CWC27: variants seen among roughly 807,000 people sequenced by gnomAD.
CWC27 encodes the protein spliceosome-associated protein CWC27 homolog.
A neutral mutation model predicts 63.6 loss-of-function variants in CWC27; 47 were observed. That is an observed-to-expected ratio of 0.74 (90% confidence interval 0.58 to 0.94). The LOEUF is 0.94. CWC27 is among the 40% of genes least tolerant of loss of function. CWC27 has a pLI of 0.00. For synonymous variants in CWC27, 175 were observed against 179.8 expected (o/e 0.97, Z 0.22); for missense variants, 495 against 554.3 (o/e 0.89, Z 1.07).
intron 5 of CWC27, among the ~76,000 whole-genome samples, chr5:64,786,019 G>T (rs1320214684): frequency 6.6e-6 from 1 of 151,894 alleles, no homozygotes; most frequent in Non-Finnish European, 1.5e-5. Context: ...AAAAAAAATA[G>T]CTGGGCATGG....
At position 65,018,334 on chromosome 5, in the gene CWC27, G is replaced by T; in HGVS notation, c.*13G>T. On this transcript the variant is annotated 3_prime_UTR_variant, in exon 14 of 14. Transcript: ENST00000381070. Reference sequence around the variant, plus strand: ...AGAAAGAAGATAAAATGAGAATAATGATAACCAGAACTTGCTGGAAATGTG... The same window carrying T: ...AGAAAGAAGATAAAATGAGAATAATTATAACCAGAACTTGCTGGAAATGTG... 1 of 1,581,444 alleles carries T rather than the reference G, an allele frequency of 6.3e-7. No homozygotes were observed. Among genetic ancestry groups the T allele is most frequent in the South Asian group, 1.2e-5 (1 of 84,064 alleles).
chr5:64,969,660 A>C (rs937453906), intron 11 of CWC27, among the ~76,000 whole-genome samples: 4 of 152,174 alleles, frequency 2.6e-5, no homozygotes, highest in African/African-American at 9.7e-5. Context: ...GAAATGAAAT[A>C]AGAAAAAAAA....
At chr5:64,800,439 A>G in intron 8 of CWC27, 112 bp downstream of exon 8, 1 of 613,668 alleles carries the variant, frequency 1.6e-6, no homozygotes, top group Non-Finnish European at 2.7e-6. Flanking sequence ...TTTTTAAGCC[A>G]GCCAAAAAAA....
At chr5:64,914,663 C>T (rs1467852828) in intron 11 of CWC27, among the ~76,000 whole-genome samples, 1 of 151,686 alleles carries the variant, frequency 6.6e-6, no homozygotes, top group East Asian at 1.9e-4. Context: ...CCTCTGGTGT[C>T]GGGAGTGTAA....
intron 11 of CWC27, among the ~76,000 whole-genome samples, chr5:64,932,082 C>A (rs952530623): frequency 6.6e-6 from 1 of 152,020 alleles, no homozygotes; most frequent in Non-Finnish European, 1.5e-5. Flanking sequence ...ACTAACTCTC[C>A]TAAGTGATTT....
intron 10 of CWC27, among the ~76,000 whole-genome samples, chr5:64,855,270 A>T (rs1746223164): frequency 6.6e-6 from 1 of 152,148 alleles, no homozygotes; most frequent in South Asian, 2.1e-4. Flanking sequence ...TATTCAGAAG[A>T]GTGTTTTCAG....
intron 11 of CWC27, among the ~76,000 whole-genome samples, chr5:64,892,477 C>T (rs184074398): frequency 1.4e-4 from 22 of 152,212 alleles, no homozygotes; most frequent in Middle Eastern, 3.4e-3. Context: ...CATAATACTT[C>T]GCCAAAGATA....
chr5:64,789,953 C>G (rs1253368537), intron 7 of CWC27, among the ~76,000 whole-genome samples: 2 of 152,146 alleles, frequency 1.3e-5, no homozygotes, highest in East Asian at 1.9e-4. Flanking sequence ...TATTATTATT[C>G]TTGTTTTTAC....
chr5:64,973,902 T>TA lies in CWC27; in HGVS notation c.1152+2096dup, dbSNP rs201550781. ...TTGTTTTCATTTTTCTTTGTGCTTT[T>TA]AAAAAAGACATTTCCAAGTATGCAA... On this transcript the variant is annotated intron_variant, in intron 12 of 13. Transcript: ENST00000381070. Among the ~76,000 whole-genome samples, 969 of 152,176 alleles carry TA rather than the reference T, an allele frequency of 6.4e-3. 14 individuals are homozygous for TA. The highest frequency in any genetic ancestry group is 0.022 in the African/African-American group (927 of 41,494).
At chr5:64,894,529 T>C (rs1370907137) in intron 11 of CWC27, among the ~76,000 whole-genome samples, 2 of 152,182 alleles carry the variant, frequency 1.3e-5, no homozygotes, top group East Asian at 3.8e-4. Context: ...TTTTTAAAGA[T>C]TACACATGTG....
At chr5:64,906,225 TCTAGTTCTAGATC>T (rs570036372) in intron 11 of CWC27, among the ~76,000 whole-genome samples, 1 of 152,336 alleles carries the variant, frequency 6.6e-6, no homozygotes, top group African/African-American at 2.4e-5. Flanking sequence ...AAATGGTATT[TCTAGTTCTAGATC>T]CTTGAGGAAT....
chr5:64,973,519 A>G (rs1448415266), intron 12 of CWC27, among the ~76,000 whole-genome samples: 1 of 152,346 alleles, frequency 6.6e-6, no homozygotes, highest in East Asian at 1.9e-4. Flanking sequence ...CTTTCAGGAA[A>G]AGCCATAACT....
chr5:64,951,099 A>T (rs1748698822), intron 11 of CWC27, among the ~76,000 whole-genome samples: 1 of 151,916 alleles, frequency 6.6e-6, no homozygotes, highest in Non-Finnish European at 1.5e-5. Flanking sequence ...TTGGATAAAT[A>T]CCTAACAGTG....
chr5:64,889,285 C>G (rs1217302641), intron 11 of CWC27, among the ~76,000 whole-genome samples: 2 of 152,138 alleles, frequency 1.3e-5, no homozygotes, highest in South Asian at 2.1e-4. Flanking sequence ...AGTATTGTTC[C>G]AACATTATTG....
chr5:64,974,039 A>T (rs1285110551), intron 12 of CWC27, among the ~76,000 whole-genome samples: 1 of 151,658 alleles, frequency 6.6e-6, no homozygotes, highest in African/African-American at 2.4e-5. Context: ...GTTTGAAACC[A>T]GCCTAGGCAG....
chr5:64,917,077 C>A (rs1306968052), intron 11 of CWC27, among the ~76,000 whole-genome samples: 2 of 152,088 alleles, frequency 1.3e-5, no homozygotes, highest in African/African-American at 4.8e-5. Flanking sequence ...TAGTCAAAGT[C>A]CCCATGTACC....
At chr5:64,907,190 C>T (rs918028811) in intron 11 of CWC27, among the ~76,000 whole-genome samples, 1 of 152,068 alleles carries the variant, frequency 6.6e-6, no homozygotes, top group Admixed American at 6.6e-5. Flanking sequence ...GTAGTTTTTT[C>T]CAATTCTTTG....
intron 9 of CWC27, among the ~76,000 whole-genome samples, chr5:64,801,743 C>A (rs1744497680): frequency 2.0e-5 from 3 of 152,114 alleles, no homozygotes; most frequent in Admixed American, 2.0e-4. Context: ...TTTATATACA[C>A]ATTTCAAAAG....
intron 11 of CWC27, among the ~76,000 whole-genome samples, chr5:64,934,994 T>C (rs534664632): frequency 6.6e-6 from 1 of 152,362 alleles, no homozygotes; most frequent in East Asian, 1.9e-4. Context: ...TTGTAGATTC[T>C]GGATATTAGC....
Sources: allele counts gnomAD v4.1 joint callset (sites outside exome capture counted in the v4.1 genomes callset), GRCh38; gene constraint gnomAD v4.1.1; transcripts MANE v1.5; gene names NCBI Gene and HGNC (gene_info 2026-07-23, HGNC 2026-07-21).